The following CD8A variants were observed in gnomAD, a reference collection of about 807,000 sequenced individuals.
The protein encoded by CD8A is CD8 subunit alpha, also known as T-cell surface glycoprotein CD8 alpha chain.
A neutral mutation model predicts 24.2 loss-of-function variants in CD8A; 25 were observed. That is an observed-to-expected ratio of 1.03 (90% CI 0.75 to 1.44). The LOEUF (loss-of-function observed/expected upper bound fraction) is 1.44, where lower values mean the gene tolerates loss of function less well. Ranked by LOEUF, CD8A falls within the 40% of genes most tolerant of loss-of-function variation. The pLI, the probability that CD8A is intolerant of heterozygous loss-of-function variation, is 0.00. For missense variants in CD8A, 360 were observed against 319.7 expected (o/e 1.13, Z -0.96); for synonymous variants, 165 against 149.9 (o/e 1.10, Z -0.74).
At chr2:86,801,711 A>G (rs187236454) in intron 2 of CD8A, 21 of 152,210 alleles carry the variant, frequency 1.4e-4, no homozygotes, top group Non-Finnish European at 3.1e-4. Flanking sequence ...TGCTGTAACA[A>G]AGCCAACTAT....
At chr2:86,787,036 A>AG (rs1553430164) in intron 5 of CD8A, among the ~76,000 whole-genome samples, 1 of 141,078 alleles carries the variant, frequency 7.1e-6, no homozygotes, top group Non-Finnish European at 1.5e-5. Context: ...AAAAAAAAAA[A>AG]AAAAGAAAAG....
chr2:86,807,310 GACCCTGTC>G (rs1673942080), intron 2 of CD8A: 1 of 152,374 alleles, frequency 6.6e-6, no homozygotes, highest in African/African-American at 2.4e-5. Context: ...GATAGAACAA[GACCCTGTC>G]TCTTAAAACA....
chr2:86,790,789 C>T lies in CD8A; in HGVS notation c.37G>A (p.Ala13Thr). Residue 13 changes from alanine (A) to threonine (T), a missense_variant, in exon 1 of 6, where the codon GCC becomes ACC. Coordinates refer to ENST00000283635, the MANE Select transcript of CD8A (RefSeq NM_001768.7). Reference sequence around the variant, plus strand: ...GTCTCAAACTCACGGAGCAGCAAGGCCAGCGGCAGGAGCAAGGCGGTCACT... The same window carrying T: ...GTCTCAAACTCACGGAGCAGCAAGGTCAGCGGCAGGAGCAAGGCGGTCACT... ...LPVTALLLPL[A>T]LLLHAARPSQ... The T allele has an allele frequency of 1.3e-6, 2 of 1,548,352 alleles. No homozygotes were observed.
chr2:86,799,486 G>A (rs1464773498), intron 3 of CD8A, among the ~76,000 whole-genome samples: 1 of 152,162 alleles, frequency 6.6e-6, no homozygotes, highest in East Asian at 1.9e-4. Flanking sequence ...GCCGGGCACG[G>A]TGGCTCACGC....
upstream of CD8A, among the ~76,000 whole-genome samples, chr2:86,792,805 C>A (rs1573464492): frequency 7.4e-6 from 1 of 134,338 alleles, no homozygotes; most frequent in Non-Finnish European, 1.6e-5. Flanking sequence ...CCTGGATGGG[C>A]TTTTTTTTTT....
chr2:86,803,661 C>T (rs1448702291), intron 2 of CD8A, among the ~76,000 whole-genome samples: 1 of 152,220 alleles, frequency 6.6e-6, no homozygotes, highest in African/African-American at 2.4e-5. Flanking sequence ...AAGTAATTCT[C>T]CTGCCTCAGC....
At chr2:86,786,239 G>C (rs1219971613) in intron 5 of CD8A, among the ~76,000 whole-genome samples, 1 of 152,204 alleles carries the variant, frequency 6.6e-6, no homozygotes, top group East Asian at 1.9e-4. Context: ...CATCTAGGAG[G>C]TGGCTGAGCC....
Position 86,789,664 on chromosome 2 carries a change from A to G in CD8A, c.490T>C (p.Cys164Arg). ...CCTGCGCCCCCCGCCGCTGGCCGGC[A>G]CGCCTCTGGGCGCAGGGACAGGGGC... ...SQPLSLRPEACRPAAGGAVHT... is the reference protein window; with the variant it reads ...SQPLSLRPEARRPAAGGAVHT... The change falls in exon 3 of 6, where the codon TGC becomes CGC. Residue 164 changes from cysteine to arginine, a missense_variant. Coordinates refer to ENST00000283635, the MANE Select transcript of CD8A (RefSeq NM_001768.7). The G allele has an allele frequency of 6.7e-7, 1 of 1,482,888 alleles. No homozygotes were observed. Among genetic ancestry groups the G allele is most frequent in the Non-Finnish European group, 8.9e-7 (1 of 1,122,236 alleles). The allele number at this position is 1,482,888 out of a possible 1,614,324, so 91.9% of individuals were successfully genotyped here.
chr2:86,803,484 T>C (rs1399971569), intron 2 of CD8A, among the ~76,000 whole-genome samples: 1 of 152,158 alleles, frequency 6.6e-6, no homozygotes, highest in African/African-American at 2.4e-5. Flanking sequence ...CTGGAGGACA[T>C]TATGCTAAAT....
chr2:86,794,837 C>T (rs1673429118), upstream of CD8A, among the ~76,000 whole-genome samples: 1 of 152,166 alleles, frequency 6.6e-6, no homozygotes, highest in Admixed American at 6.5e-5. Flanking sequence ...TTCTTCACTC[C>T]TCCTAGGTTC....
In CD8A at chr2:86,790,780, G is replaced by A. The variant is rs200750291; in HGVS notation, c.46C>T (p.Leu16Phe). The stretch of plus-strand genomic sequence containing the variant: ...TTCCCGGGCGTCTCAAACTCACGGA[G>A]CAGCAAGGCCAGCGGCAGGAGCAAG... ...TALLLPLALLLHAARPSQFRV... is the reference protein window; with the variant it reads ...TALLLPLALLFHAARPSQFRV... The change falls in exon 1 of 6, where the codon CTC (leucine) becomes TTC (phenylalanine). Residue 16 changes from leucine (L) to phenylalanine (F), a missense_variant. Physicochemically the swap from Leu to Phe is conservative, Grantham distance 22 (BLOSUM62 0). Transcript: ENST00000283635. The A allele has an allele frequency of 2.6e-4, 395 of 1,543,914 alleles. 1 individual carries two copies. In the African/African-American group the frequency reaches 4.6e-3, roughly 18 times the overall value.
chr2:86,806,762 GC>G (rs757007391), intron 2 of CD8A, among the ~76,000 whole-genome samples: 3 of 152,180 alleles, frequency 2.0e-5, no homozygotes, highest in East Asian at 3.9e-4. Flanking sequence ...CGGGGAGCTT[GC>G]CCCCAGCAAG....
intron 2 of CD8A, among the ~76,000 whole-genome samples, chr2:86,805,941 CTTTCT>C (rs1316739386): frequency 1.3e-5 from 2 of 151,590 alleles, no homozygotes; most frequent in Non-Finnish European, 2.9e-5. Flanking sequence ...CTCTCTCTCT[CTTTCT>C]TTTTCTTTTT....
chr2:86,801,681 G>A (rs1426383869), intron 2 of CD8A: 1 of 152,000 alleles, frequency 6.6e-6, no homozygotes, highest in Non-Finnish European at 1.5e-5. Context: ...AAAGGAAAAA[G>A]TTAAAAGATT....
rs565204030 is a variant in CD8A at position 86,789,523 on chromosome 2, C to A, written c.515-90G>T. The A allele has an allele frequency of 4.7e-5, 63 of 1,345,806 alleles. No individual in the cohort carries two copies. The African/African-American group carries it at 7.7e-4, about 17-fold the overall frequency. 83.4% of individuals were successfully genotyped at this position (1,345,806 alleles called of 1,614,324 possible). ...CCGGGAACGTCTCTCCGCCTCAGATCTCGGTTTCCCACCACTTGGACAGCC... is the reference window on the plus strand; with the variant it reads ...CCGGGAACGTCTCTCCGCCTCAGATATCGGTTTCCCACCACTTGGACAGCC... On this transcript the variant is annotated intron_variant, in intron 3 of 5. Transcript: ENST00000283635.
At position 86,785,444 on chromosome 2, in the gene CD8A, C is replaced by A; in HGVS notation, c.*476G>T. Reference sequence around the variant, plus strand: ...GCACCTCACCCTGAGACAGGGGCCTCGGAAAGAAAGACCTGAATGGTGTGG... The same window carrying A: ...GCACCTCACCCTGAGACAGGGGCCTAGGAAAGAAAGACCTGAATGGTGTGG... On this transcript the variant is annotated 3_prime_UTR_variant, in exon 6 of 6. Transcript: ENST00000283635. 1 of 455,400 alleles carries A rather than the reference C, an allele frequency of 2.2e-6. No homozygotes were observed. The highest frequency in any genetic ancestry group is 2.0e-5 in the African/African-American group (1 of 50,150). 28.2% of individuals were successfully genotyped at this position (455,400 alleles called of 1,614,324 possible). A position where few individuals can be genotyped will look rare whatever the true frequency, so the allele number is the denominator to read the frequency against.
chr2:86,799,469 T>C (rs866849521), intron 3 of CD8A, among the ~76,000 whole-genome samples: 4 of 152,080 alleles, frequency 2.6e-5, no homozygotes, highest in Non-Finnish European at 4.4e-5. Context: ...GGTAGAGTCA[T>C]CTGGGGGCCG....
At chr2:86,802,900 C>T (rs980669656) in intron 2 of CD8A, among the ~76,000 whole-genome samples, 5 of 152,058 alleles carry the variant, frequency 3.3e-5, no homozygotes, top group South Asian at 2.1e-4. Context: ...TGTGAACCAT[C>T]GCGCCTGGCC....
At chr2:86,788,498 A>G in intron 5 of CD8A, 32 bp downstream of exon 5, 1 of 1,514,380 alleles carries the variant, frequency 6.6e-7, no homozygotes, top group Non-Finnish European at 8.8e-7. Context: ...GGGCTGGCCA[A>G]GGTGAGCAGG....
Sources: gnomAD v4.1 joint callset for allele counts (sites outside exome capture counted in the v4.1 genomes callset) on GRCh38, gnomAD v4.1.1 for gene constraint, MANE v1.5 for transcripts, NCBI Gene and HGNC (gene_info 2026-07-23, HGNC 2026-07-21) for gene names.